The following LRRC4C variants were observed in gnomAD, a reference collection of about 807,000 sequenced individuals.
LRRC4C encodes leucine rich repeat containing 4C, also known as leucine-rich repeat-containing protein 4C.
In LRRC4C, 5 loss-of-function variants were observed where a neutral mutation model predicts 33.6. That is an observed-to-expected ratio of 0.15 (90% CI 0.08 to 0.31). The LOEUF is 0.31. Ranked by LOEUF, LRRC4C falls within the 10% of genes least tolerant of loss-of-function variation. The probability of loss-of-function intolerance (pLI) is 1.00; values close to 1 mark genes in which losing one functional copy is unlikely to be tolerated. For missense variants in LRRC4C, 560 were observed against 796.7 expected, an observed-to-expected ratio of 0.70 and a Z score of 3.58; for synonymous variants, 329 against 302.0, an observed-to-expected ratio of 1.09 and a Z score of -0.93.
At chr11:40,660,406 G>C (rs1282880620) in intron 2 of LRRC4C, among the ~76,000 whole-genome samples, 1 of 152,230 alleles carries the variant, frequency 6.6e-6, no homozygotes, top group Non-Finnish European at 1.5e-5. Flanking sequence ...ACTGGCCACA[G>C]AAGTTTCTGG....
intron 3 of LRRC4C, among the ~76,000 whole-genome samples, chr11:40,609,489 A>C (rs1184646911): frequency 6.6e-6 from 1 of 152,012 alleles, no homozygotes; most frequent in Admixed American, 6.6e-5. Flanking sequence ...TTTGTACCTC[A>C]ACACACTAGG....
intron 3 of LRRC4C, among the ~76,000 whole-genome samples, chr11:40,472,400 C>A (rs1038871721): frequency 1.4e-5 from 2 of 147,750 alleles, no homozygotes; most frequent in Non-Finnish European, 3.0e-5. Flanking sequence ...TAAATAAGTT[C>A]TTTGAAACCA....
At chr11:40,515,039 C>A (rs1955507162) in intron 3 of LRRC4C, among the ~76,000 whole-genome samples, 1 of 151,972 alleles carries the variant, frequency 6.6e-6, no homozygotes, top group South Asian at 2.1e-4. Context: ...GAAAATGATT[C>A]AATTTTTATG....
intron 3 of LRRC4C, among the ~76,000 whole-genome samples, chr11:40,541,509 T>C (rs1033851252): frequency 1.3e-5 from 2 of 152,146 alleles, no homozygotes; most frequent in African/African-American, 4.8e-5. Context: ...AATTCAGATT[T>C]CATGTATCAT....
At chr11:40,752,224 T>C (rs770076474) in intron 2 of LRRC4C, among the ~76,000 whole-genome samples, 11 of 151,988 alleles carry the variant, frequency 7.2e-5, no homozygotes, top group Non-Finnish European at 1.6e-4. Context: ...CTCAAAGGTA[T>C]AGACGACTGA....
intron 3 of LRRC4C, among the ~76,000 whole-genome samples, chr11:40,452,437 T>C (rs146059962): frequency 0.015 from 2,238 of 152,298 alleles, 49 homozygotes; most frequent in African/African-American, 0.05. Flanking sequence ...TAAATGCTCA[T>C]CATCACTGGC....
At chr11:41,231,361 C>T (rs12285778) in intron 1 of LRRC4C, among the ~76,000 whole-genome samples, 5,609 of 152,070 alleles carry the variant, frequency 0.037, 148 homozygotes, top group African/African-American at 0.068. Context: ...GACTTGGAAC[C>T]AACCCAAATG....
intron 3 of LRRC4C, among the ~76,000 whole-genome samples, chr11:40,344,121 G>A (rs1947008795): frequency 6.6e-6 from 1 of 151,936 alleles, no homozygotes; most frequent in Non-Finnish European, 1.5e-5. Flanking sequence ...AAGAAATTGA[G>A]GAGAAGGTAC....
chr11:40,723,774 T>G (rs535308353), intron 2 of LRRC4C, among the ~76,000 whole-genome samples: 2 of 152,230 alleles, frequency 1.3e-5, no homozygotes, highest in South Asian at 2.1e-4. Context: ...TAAGTGTGAA[T>G]GCAAATAGTC....
intron 3 of LRRC4C, among the ~76,000 whole-genome samples, chr11:40,390,263 A>T (rs1949284979): frequency 6.6e-6 from 1 of 152,226 alleles, no homozygotes; most frequent in East Asian, 1.9e-4. Context: ...ACAGTTAAAG[A>T]AGCATCAAAC....
intron 3 of LRRC4C, among the ~76,000 whole-genome samples, chr11:40,356,749 A>G (rs149615657): frequency 1.4e-4 from 22 of 152,308 alleles, no homozygotes; most frequent in African/African-American, 5.1e-4. Flanking sequence ...TAAATTATTT[A>G]TTACATTATA....
intron 2 of LRRC4C, among the ~76,000 whole-genome samples, chr11:40,727,397 C>G (rs1650432144): frequency 6.6e-6 from 1 of 152,018 alleles, no homozygotes; most frequent in South Asian, 2.1e-4. Flanking sequence ...CTGTTTTTCA[C>G]CATATATAAA....
intron 5 of LRRC4C, among the ~76,000 whole-genome samples, chr11:40,182,245 G>A (rs1408489714): frequency 1.3e-5 from 2 of 152,092 alleles, no homozygotes; most frequent in Non-Finnish European, 2.9e-5. Context: ...ATTATGAGAT[G>A]TGTATTACAT....
intron 1 of LRRC4C, among the ~76,000 whole-genome samples, chr11:41,042,636 T>C (rs999216063): frequency 6.6e-6 from 1 of 152,182 alleles, no homozygotes; most frequent in East Asian, 1.9e-4. Flanking sequence ...ATCAATTTTG[T>C]CTTAGATCTT....
intron 1 of LRRC4C, among the ~76,000 whole-genome samples, chr11:41,160,007 T>A (rs118110854): frequency 6.6e-6 from 1 of 151,952 alleles, no homozygotes; most frequent in East Asian, 1.9e-4. Context: ...ATATGCTTTA[T>A]AACAAAAGGG....
chr11:40,764,312 A>G (rs1949353714), intron 2 of LRRC4C, among the ~76,000 whole-genome samples: 1 of 152,000 alleles, frequency 6.6e-6, no homozygotes, highest in Non-Finnish European at 1.5e-5. Context: ...AATTAACATC[A>G]TCTGTAGCCA....
chr11:41,016,249 T>C (rs1268793025), intron 1 of LRRC4C, among the ~76,000 whole-genome samples: 1 of 152,184 alleles, frequency 6.6e-6, no homozygotes, highest in African/African-American at 2.4e-5. Flanking sequence ...TTAATGCATT[T>C]CTGTATCTCA....
chr11:40,628,001 G>T (rs925994575), intron 3 of LRRC4C, among the ~76,000 whole-genome samples: 3 of 152,118 alleles, frequency 2.0e-5, no homozygotes, highest in Non-Finnish European at 2.9e-5. Context: ...AAGTTGATTT[G>T]AGCATCAAGT....
chr11:41,286,154 G>T (rs538919399), intron 1 of LRRC4C, among the ~76,000 whole-genome samples: 1 of 152,140 alleles, frequency 6.6e-6, no homozygotes, highest in Non-Finnish European at 1.5e-5. Context: ...AAGAGCAAGA[G>T]GCACAACTTC....
Sources: gnomAD v4.1 joint callset for allele counts (sites outside exome capture counted in the v4.1 genomes callset) on GRCh38, gnomAD v4.1.1 for gene constraint, MANE v1.5 for transcripts, NCBI Gene and HGNC (gene_info 2026-07-23, HGNC 2026-07-21) for gene names.